PHACTR3: variants seen among roughly 807,000 people sequenced by gnomAD.
PHACTR3 encodes protein phosphatase 1, regulatory subunit 123.
In PHACTR3, 16 loss-of-function variants were observed where a neutral mutation model predicts 66.8. The observed-to-expected ratio is 0.24, with a 90% CI of 0.16 to 0.36. The LOEUF (loss-of-function observed/expected upper bound fraction) is 0.36. PHACTR3 is among the 10% of genes least tolerant of loss of function. The probability of loss-of-function intolerance (pLI) is 1.00; values close to 1 mark genes in which losing one functional copy is unlikely to be tolerated. For missense variants in PHACTR3, 647 were observed against 719.9 expected, an observed-to-expected ratio of 0.90 and a Z score of 1.16; for synonymous variants, 323 against 292.1, an observed-to-expected ratio of 1.11 and a Z score of -1.08.
At chr20:59,689,427 G>GT (rs980272742) in intron 1 of PHACTR3, among the ~76,000 whole-genome samples, 1 of 152,226 alleles carries the variant, frequency 6.6e-6, no homozygotes, top group African/African-American at 2.4e-5. Context: ...GTTGAGTCCT[G>GT]TTTTTTCACA....
chr20:59,665,655 TG>T (rs2035959602), intron 1 of PHACTR3, among the ~76,000 whole-genome samples: 2 of 152,094 alleles, frequency 1.3e-5, no homozygotes, highest in South Asian at 4.1e-4. Context: ...CATGGGGGTC[TG>T]GGTTGAATTG....
intron 1 of PHACTR3, among the ~76,000 whole-genome samples, chr20:59,597,025 G>A (rs2033345241): frequency 6.6e-6 from 1 of 152,258 alleles, no homozygotes; most frequent in Non-Finnish European, 1.5e-5. Context: ...TGGAGTCAGT[G>A]TTTGGTGCAT....
intron 8 of PHACTR3, among the ~76,000 whole-genome samples, chr20:59,825,785 C>G (rs896520802): frequency 6.6e-6 from 1 of 152,136 alleles, no homozygotes; most frequent in African/African-American, 2.4e-5. Context: ...TTGGCATGTG[C>G]TGTGGTCTGA....
intron 4 of PHACTR3, 124 bp downstream of exon 4, chr20:59,755,488 C>G (rs762907632): frequency 6.1e-6 from 7 of 1,156,132 alleles, no homozygotes; most frequent in South Asian, 4.7e-5. Flanking sequence ...GAGCTGGGCC[C>G]GTGCTCTAAG....
chr20:59,677,624 A>G (rs561113370), intron 1 of PHACTR3, among the ~76,000 whole-genome samples: 1 of 152,348 alleles, frequency 6.6e-6, no homozygotes, highest in Admixed American at 6.5e-5. Flanking sequence ...ATGGCGATTC[A>G]GGATCCCAAG....
intron 9 of PHACTR3, among the ~76,000 whole-genome samples, chr20:59,839,692 A>G (rs1035214306): frequency 1.3e-5 from 2 of 152,192 alleles, no homozygotes; most frequent in African/African-American, 4.8e-5. Flanking sequence ...TTGAATGTTA[A>G]TAGTCACAAC....
intron 11 of PHACTR3, among the ~76,000 whole-genome samples, chr20:59,842,737 C>G (rs985943112): frequency 2.0e-5 from 3 of 152,124 alleles, no homozygotes; most frequent in African/African-American, 7.2e-5. Flanking sequence ...TACTCATTAT[C>G]TTGGTGTTCC....
At chr20:59,639,970 A>G (rs554902915) in intron 1 of PHACTR3, among the ~76,000 whole-genome samples, 2 of 152,260 alleles carry the variant, frequency 1.3e-5, no homozygotes, top group African/African-American at 2.4e-5. Context: ...CCTAGTTCCA[A>G]TTCTGGCATT....
rs1262336485 is a variant in PHACTR3 at position 59,829,416 on chromosome 20, C to T, written c.1329-7089C>T. ...ATCTTATGGCCTGGAGAGTCCTCTT[C>T]TCTTCCTGAACTTCTCTCCAGACAC... On this transcript the variant is annotated intron_variant, in intron 8 of 12. Transcript: ENST00000371015. This position sits in a 1 kb window ranked among gnomAD's most constrained non-coding sequence, Gnocchi z 4.2. Among the ~76,000 whole-genome samples, 1 of 152,228 alleles carries T rather than the reference C, an allele frequency of 6.6e-6. No homozygotes were observed.
intron 4 of PHACTR3, among the ~76,000 whole-genome samples, chr20:59,766,435 A>G (rs1019947242): frequency 6.6e-6 from 1 of 152,174 alleles, no homozygotes; most frequent in African/African-American, 2.4e-5. Flanking sequence ...TTGTTGTTGA[A>G]ATAATGGATG....
At position 59,766,902 on chromosome 20, in the gene PHACTR3, A is replaced by C. The variant is rs114005474; in HGVS notation, c.542-284A>C. ...GACTCCAAAACCTGGCATGGTGAAC[A>C]CTGCTCCTAGGTGAGGTGGGAGCTG... On this transcript the variant is annotated intron_variant, in intron 4 of 12. Coordinates refer to ENST00000371015, the MANE Select transcript of PHACTR3 (RefSeq NM_080672.5). Among the ~76,000 whole-genome samples, 589 of 152,306 alleles carry C rather than the reference A, an allele frequency of 3.9e-3. 2 individuals are homozygous for C. Among genetic ancestry groups the C allele is most frequent in the African/African-American group, 0.013 (558 of 41,556 alleles).
chr20:59,832,094 C>T (rs2042401380), intron 8 of PHACTR3, among the ~76,000 whole-genome samples: 1 of 152,198 alleles, frequency 6.6e-6, no homozygotes, highest in Non-Finnish European at 1.5e-5. Flanking sequence ...TGTGTCCCTG[C>T]TGGCTAGTTC....
chr20:59,840,338 AT>A (rs11479086), intron 9 of PHACTR3, 30 bp from the exon 10 acceptor site: 45,754 of 1,489,134 alleles, frequency 0.031, 646 homozygotes, highest in Middle Eastern at 0.049. Context: ...TCTCTTTGTT[AT>A]TTTTTTTTTC....
intron 8 of PHACTR3, among the ~76,000 whole-genome samples, chr20:59,824,086 C>G (rs1404442438): frequency 6.6e-6 from 1 of 152,208 alleles, no homozygotes; most frequent in Non-Finnish European, 1.5e-5. Context: ...GGCCTTCCCA[C>G]TGATCAGATC....
intron 1 of PHACTR3, among the ~76,000 whole-genome samples, chr20:59,605,860 G>GGGGGT (rs2033650181): frequency 2.6e-4 from 4 of 15,364 alleles, no homozygotes; most frequent in Non-Finnish European, 3.8e-4. Flanking sequence ...GGGGGAGGTG[G>GGGGGT]GGGGGGGGGT....
chr20:59,577,556 C>T, exon 1 of PHACTR3: 4 of 1,195,160 alleles, frequency 3.3e-6, no homozygotes, highest in Non-Finnish European at 4.1e-6. Context: ...CGCCCCTGCG[C>T]TCGCTGCTGG....
At chr20:59,597,777 C>T (rs889742467) in intron 1 of PHACTR3, among the ~76,000 whole-genome samples, 1 of 152,218 alleles carries the variant, frequency 6.6e-6, no homozygotes, top group Admixed American at 6.5e-5. Context: ...GTTTCATCCT[C>T]CTGTGTGTTG....
chr20:59,652,169 T>C (rs2035480078), intron 1 of PHACTR3, among the ~76,000 whole-genome samples: 1 of 152,192 alleles, frequency 6.6e-6, no homozygotes, highest in South Asian at 2.1e-4. Flanking sequence ...TTTTGTTCTA[T>C]TCAGGCCTCT....
chr20:59,841,718 C>A (rs2059065567), intron 11 of PHACTR3, among the ~76,000 whole-genome samples, 183 bp downstream of exon 11: 1 of 152,134 alleles, frequency 6.6e-6, no homozygotes, highest in Admixed American at 6.5e-5. Flanking sequence ...AGCTAGGTGA[C>A]AGTTTTGCCC....
Sources: allele counts gnomAD v4.1 joint callset (sites outside exome capture counted in the v4.1 genomes callset), GRCh38; gene constraint gnomAD v4.1.1; non-coding constraint Gnocchi (gnomAD v3.1); transcripts MANE v1.5; gene names NCBI Gene and HGNC (gene_info 2026-07-23, HGNC 2026-07-21).